The following CERT1 variants were observed in gnomAD, a reference collection of about 807,000 sequenced individuals.
CERT1 encodes ceramide transporter 1, also known as ceramide transfer protein.
In CERT1, 31 loss-of-function variants were observed where a neutral mutation model predicts 87.9. The ratio of observed to expected loss-of-function variants is 0.35; its 90% confidence interval spans 0.27 to 0.48. CERT1 has a LOEUF of 0.48. Ranked by LOEUF, CERT1 falls within the 20% of genes least tolerant of loss-of-function variation. The pLI is 0.99. For synonymous variants in CERT1, 289 were observed against 250.9 expected, an observed-to-expected ratio of 1.15 and a Z score of -1.44; for missense variants, 487 against 758.0, an observed-to-expected ratio of 0.64 and a Z score of 4.20.
At chr5:75,377,427 G>T (rs1472296640), downstream of CERT1, 2 of 152,166 alleles carry the variant, frequency 1.3e-5, no homozygotes, top group African/African-American at 2.4e-5. Context: ...ATGACATATG[G>T]ATACAATTAT....
chr5:75,511,916 T>A, upstream of CERT1: 1 of 1,231,868 alleles, frequency 8.1e-7, no homozygotes, highest in Non-Finnish European at 1.1e-6. Context: ...AGGTAACGGG[T>A]GAGTATCCCG....
chr5:75,451,789 C>CA (rs1185785092), intron 3 of CERT1, among the ~76,000 whole-genome samples: 5 of 151,468 alleles, frequency 3.3e-5, no homozygotes, highest in Admixed American at 6.6e-5. Context: ...AAATTTAAGA[C>CA]AAAAAAATGA....
intron 3 of CERT1, among the ~76,000 whole-genome samples, chr5:75,444,181 G>A (rs943991353): frequency 1.3e-5 from 2 of 151,590 alleles, no homozygotes; most frequent in East Asian, 3.9e-4. Context: ...TCAGCCTCCC[G>A]AGTAGCTGGG....
intron 3 of CERT1, among the ~76,000 whole-genome samples, chr5:75,442,645 T>C (rs1411096208): frequency 1.3e-5 from 2 of 152,204 alleles, no homozygotes; most frequent in African/African-American, 4.8e-5. Context: ...CTATAGTCAG[T>C]AGTACAGTAA....
At chr5:75,374,782 C>A, downstream of CERT1, 1 of 545,610 alleles carries the variant, frequency 1.8e-6, no homozygotes, top group Non-Finnish European at 3.6e-6. Context: ...CGGGTGCTGC[C>A]CCATGACCCC....
intron 3 of CERT1, among the ~76,000 whole-genome samples, chr5:75,451,688 G>A (rs1353585318): frequency 1.3e-5 from 2 of 152,146 alleles, no homozygotes; most frequent in African/African-American, 2.4e-5. Flanking sequence ...CAAACCAACA[G>A]TATGACTTTA....
intron 2 of CERT1, among the ~76,000 whole-genome samples, chr5:75,462,447 C>T (rs1034820491): frequency 3.3e-5 from 5 of 152,160 alleles, no homozygotes; most frequent in African/African-American, 1.2e-4. Context: ...TCTAATGCTG[C>T]TGCTGATCTG....
intron 3 of CERT1, among the ~76,000 whole-genome samples, chr5:75,447,741 T>C (rs1764612577): frequency 6.6e-6 from 1 of 152,026 alleles, no homozygotes; most frequent in Non-Finnish European, 1.5e-5. Context: ...CCCAGAGTGC[T>C]GGGATAACAG....
At chr5:75,460,206 A>G (rs1287109663) in intron 2 of CERT1, among the ~76,000 whole-genome samples, 3 of 152,140 alleles carry the variant, frequency 2.0e-5, no homozygotes, top group South Asian at 2.1e-4. Flanking sequence ...TAATAATTTT[A>G]TTTCATTAAA....
At chr5:75,403,208 C>T (rs1239977100) in intron 8 of CERT1, 150 bp from the exon 9 acceptor site, 2 of 607,396 alleles carry the variant, frequency 3.3e-6, no homozygotes, top group African/African-American at 1.9e-5. Flanking sequence ...AGATCATATG[C>T]ATGCTCTGTG....
chr5:75,484,080 G>A (rs1580836491), intron 2 of CERT1, among the ~76,000 whole-genome samples: 1 of 151,924 alleles, frequency 6.6e-6, no homozygotes, highest in Non-Finnish European at 1.5e-5. Flanking sequence ...GTTTAAAAGT[G>A]GGGGGTGATA....
At chr5:75,484,405 A>G (rs959528869) in intron 2 of CERT1, among the ~76,000 whole-genome samples, 109 of 151,904 alleles carry the variant, frequency 7.2e-4, no homozygotes, top group African/African-American at 2.6e-3. Flanking sequence ...TATTAATAAC[A>G]GTATGAATGT....
At chr5:75,419,272 T>G in intron 6 of CERT1, 69 bp downstream of exon 6, 1 of 994,096 alleles carries the variant, frequency 1.0e-6, no homozygotes. Context: ...GGTAATTATT[T>G]CTTGTGAGTT....
intron 11 of CERT1, among the ~76,000 whole-genome samples, chr5:75,393,602 TAAAA>T (rs60898983): frequency 0.011 from 350 of 32,756 alleles, 16 homozygotes; most frequent in Non-Finnish European, 0.017. Context: ...CTCATCTACT[TAAAA>T]AAAAAAAAAA....
downstream of CERT1, chr5:75,374,438 C>T (rs992700713): frequency 4.7e-6 from 3 of 644,084 alleles, no homozygotes; most frequent in African/African-American, 5.4e-5. Flanking sequence ...CGGGAACAGT[C>T]CTCTCTACAG....
At chr5:75,479,103 C>CA (rs143501850) in intron 2 of CERT1, among the ~76,000 whole-genome samples, 11,792 of 148,236 alleles carry the variant, frequency 0.08, 545 homozygotes, top group South Asian at 0.17. Context: ...TTAAATGGGA[C>CA]AAAAAAAAAG....
At chr5:75,473,581 G>A (rs1470863546) in intron 2 of CERT1, among the ~76,000 whole-genome samples, 1 of 152,178 alleles carries the variant, frequency 6.6e-6, no homozygotes, top group Non-Finnish European at 1.5e-5. Context: ...TGTTTAGCAG[G>A]TGAGGAGGGT....
intron 11 of CERT1, among the ~76,000 whole-genome samples, chr5:75,396,729 C>CAAAAAA (rs375730002): frequency 2.2e-5 from 2 of 92,632 alleles, no homozygotes; most frequent in Non-Finnish European, 5.0e-5. Flanking sequence ...AACTCCGTCT[C>CAAAAAA]AAAAAAAAAA....
intron 2 of CERT1, among the ~76,000 whole-genome samples, chr5:75,464,810 T>C (rs1765392277): frequency 6.6e-6 from 1 of 152,128 alleles, no homozygotes; most frequent in Non-Finnish European, 1.5e-5. Context: ...GCTCCTGGAC[T>C]CACACAACCC....
Sources: gnomAD v4.1 joint callset for allele counts (sites outside exome capture counted in the v4.1 genomes callset) on GRCh38, gnomAD v4.1.1 for gene constraint, MANE v1.5 for transcripts, NCBI Gene and HGNC (gene_info 2026-07-23, HGNC 2026-07-21) for gene names.